Variants in PLXNA2 observed in about 807,000 individuals in gnomAD.
The protein encoded by PLXNA2 is plexin-A2.
Under a neutral mutation model 193.5 loss-of-function variants are expected in PLXNA2, and 91 were observed. That is an observed-to-expected ratio of 0.47 (90% CI 0.40 to 0.56). PLXNA2 has a LOEUF of 0.56. PLXNA2 is among the 20% of genes least tolerant of loss of function. The probability of loss-of-function intolerance (pLI) is 0.00; values close to 1 mark genes in which losing one functional copy is unlikely to be tolerated. For missense variants in PLXNA2, 1,995 were observed against 2,503.2 expected, an observed-to-expected ratio of 0.80 and a Z score of 4.33; for synonymous variants, 997 against 1,027.3, an observed-to-expected ratio of 0.97 and a Z score of 0.56.
At chr1:208,052,301 CTGG>C in intron 15 of PLXNA2, 23 bp downstream of exon 15, 1 of 1,609,896 alleles carries the variant, frequency 6.2e-7, no homozygotes, top group South Asian at 1.1e-5. Context: ...GTGCAGTCTT[CTGG>C]TGGCCCTTCA....
chr1:208,129,792 T>C (rs1451157141), intron 4 of PLXNA2, among the ~76,000 whole-genome samples: 1 of 152,208 alleles, frequency 6.6e-6, no homozygotes, highest in African/African-American at 2.4e-5. Context: ...CATATGTATG[T>C]GTGATAGTGC....
Position 208,084,600 on chromosome 1 carries a change from G to A in PLXNA2, c.2098-20C>T, listed in dbSNP as rs1666451237. ...ACAGTCCTGGGGGAACAAACGAAGA[G>A]GCTCCATCTGTCCCCTGTTCATGCT... is the stretch of plus-strand genomic sequence containing the variant. On this transcript the variant is annotated intron_variant, in intron 9 of 31. Coordinates refer to ENST00000367033, the MANE Select transcript of PLXNA2 (RefSeq NM_025179.4). 2 of 1,610,060 alleles carry A rather than the reference G, an allele frequency of 1.2e-6. No homozygotes were observed. Among genetic ancestry groups the A allele is most frequent in the Non-Finnish European group, 1.7e-6 (2 of 1,176,912 alleles).
intron 28 of PLXNA2, 160 bp from the exon 29 acceptor site, chr1:208,031,919 G>T: frequency 1.1e-6 from 1 of 912,238 alleles, no homozygotes; most frequent in Non-Finnish European, 1.3e-6. Context: ...CTATTGGTTA[G>T]CTGGGGAGGT....
At chr1:208,186,716 T>TTTTG (rs1553294072) in intron 3 of PLXNA2, among the ~76,000 whole-genome samples, 1 of 103,382 alleles carries the variant, frequency 9.7e-6, no homozygotes, top group African/African-American at 4.0e-5. Context: ...TTATTTTATT[T>TTTTG]TTTTTTTTTT....
chr1:208,227,406 C>T (rs1236770318), intron 1 of PLXNA2, among the ~76,000 whole-genome samples: 2 of 152,144 alleles, frequency 1.3e-5, no homozygotes, highest in African/African-American at 2.4e-5. Context: ...GGAAGCCTAA[C>T]GTGACGAGCA....
At chr1:208,144,520 T>C (rs1014100351) in intron 3 of PLXNA2, among the ~76,000 whole-genome samples, 1 of 152,086 alleles carries the variant, frequency 6.6e-6, no homozygotes, top group Admixed American at 6.5e-5. Context: ...AAACAGCAGA[T>C]TCTTGCCTGA....
Position 208,085,584 on chromosome 1 carries a change from C to T in PLXNA2, c.2098-1004G>A, listed in dbSNP as rs552701875. Among the ~76,000 whole-genome samples, 13 of 152,334 alleles carry T rather than the reference C, an allele frequency of 8.5e-5. 1 individual carries two copies. The highest frequency in any genetic ancestry group is 2.4e-4 in the African/African-American group (10 of 41,566). ...CATGTTCAATGACAAAAATATTGTC[C>T]TCCTAATGGCAAATGCAATAATTAA... On this transcript the variant is annotated intron_variant, in intron 9 of 31. Transcript: ENST00000367033.
chr1:208,087,923 AG>A (rs1262324309), intron 9 of PLXNA2, among the ~76,000 whole-genome samples: 1 of 152,180 alleles, frequency 6.6e-6, no homozygotes, highest in African/African-American at 2.4e-5. Flanking sequence ...ACACACACAC[AG>A]GCACACACAT....
chr1:208,117,493 CT>C (rs2102442566), intron 4 of PLXNA2, among the ~76,000 whole-genome samples: 1 of 152,342 alleles, frequency 6.6e-6, no homozygotes, highest in African/African-American at 2.4e-5. Flanking sequence ...AAAAGACCCC[CT>C]GGAGGTGGTG....
intron 4 of PLXNA2, among the ~76,000 whole-genome samples, chr1:208,136,892 T>G (rs1485515207): frequency 6.6e-6 from 1 of 152,216 alleles, no homozygotes; most frequent in African/African-American, 2.4e-5. Flanking sequence ...CACCACCTTT[T>G]GAAAACACTA....
Position 208,079,250 on chromosome 1 carries a change from C to A in PLXNA2, c.2586+10G>T. 6.3e-7 allele frequency: 1 copy of A among 1,595,414 alleles called. No homozygotes were observed. The highest frequency in any genetic ancestry group is 1.1e-5 in the South Asian group (1 of 90,512). On this transcript the variant is annotated intron_variant, in intron 12 of 31. Transcript: ENST00000367033. ...CACCCCTTCCTGCTCTAGAGACTTG[C>A]AGGACTTACCTCGGTGATTTGAGGG...
chr1:208,036,842 G>A (rs560385101), intron 26 of PLXNA2, among the ~76,000 whole-genome samples: 3 of 152,286 alleles, frequency 2.0e-5, no homozygotes, highest in African/African-American at 7.2e-5. Flanking sequence ...CTTCTGATTG[G>A]GAGCCGTAGG....
chr1:208,098,441 C>CTT (rs1253740557), intron 6 of PLXNA2, among the ~76,000 whole-genome samples: 10 of 110,424 alleles, frequency 9.1e-5, no homozygotes, highest in Admixed American at 2.0e-4. Context: ...TCCTCTCTCT[C>CTT]TCTCTCTCTC....
intron 17 of PLXNA2, among the ~76,000 whole-genome samples, chr1:208,047,966 C>T (rs2102329328): frequency 6.6e-6 from 1 of 152,172 alleles, no homozygotes; most frequent in Admixed American, 6.5e-5. Context: ...CAGCAGGGTA[C>T]AATGAGGCAT....
intron 9 of PLXNA2, among the ~76,000 whole-genome samples, chr1:208,086,047 A>C (rs2102393553): frequency 6.6e-6 from 1 of 152,286 alleles, no homozygotes; most frequent in Non-Finnish European, 1.5e-5. Context: ...CTTCTCTGCA[A>C]GGCCGTCCCT....
chr1:208,115,074 C>A (rs1214734613), intron 4 of PLXNA2, among the ~76,000 whole-genome samples: 1 of 152,174 alleles, frequency 6.6e-6, no homozygotes, highest in Non-Finnish European at 1.5e-5. Flanking sequence ...TTTGCTGGAT[C>A]CAGTGCCTCT....
chr1:208,154,631 G>A lies in PLXNA2; in HGVS notation c.1372-12168C>T, dbSNP rs77040182. On this transcript the variant is annotated intron_variant, in intron 3 of 31. Coordinates refer to ENST00000367033, the MANE Select transcript of PLXNA2 (RefSeq NM_025179.4). ...AGTCAGATCACAGCAAGAGACGATG[G>A]AAGTGAGAGATTGTACAAGTCTCGC... 6.7e-3 allele frequency among the ~76,000 whole-genome samples: 1,021 copies of A among 152,344 alleles called. 9 individuals are homozygous for A. The highest frequency in any genetic ancestry group is 0.024 in the African/African-American group (995 of 41,590).
intron 6 of PLXNA2, among the ~76,000 whole-genome samples, chr1:208,097,980 C>T (rs1457787755): frequency 6.6e-6 from 1 of 152,164 alleles, no homozygotes; most frequent in East Asian, 1.9e-4. Context: ...GCTAGGATTA[C>T]AGGCGTGAGC....
At chr1:208,103,421 T>A (rs1421222692) in intron 4 of PLXNA2, among the ~76,000 whole-genome samples, 174 bp from the exon 5 acceptor site, 2 of 152,208 alleles carry the variant, frequency 1.3e-5, no homozygotes, top group Admixed American at 6.5e-5. Context: ...ATAAGGCAGG[T>A]AGGCTAAGCC....
Sources: allele counts gnomAD v4.1 joint callset (sites outside exome capture counted in the v4.1 genomes callset), GRCh38; gene constraint gnomAD v4.1.1; transcripts MANE v1.5; gene names NCBI Gene and HGNC (gene_info 2026-07-23, HGNC 2026-07-21).